DLGAP1: variants seen among roughly 807,000 people sequenced by gnomAD.
DLGAP1 encodes DLG associated protein 1.
Under a neutral mutation model 90.8 loss-of-function variants are expected in DLGAP1, and 11 were observed. That is an observed-to-expected ratio of 0.12 (90% CI 0.08 to 0.20). DLGAP1 has a LOEUF of 0.20. Among genes scored for constraint, DLGAP1 ranks in the 10% least tolerant of loss-of-function variants. DLGAP1 has a pLI of 1.00. For synonymous variants in DLGAP1, 558 were observed against 540.7 expected (o/e 1.03, Z -0.44); for missense variants, 1,050 against 1,333.8 (o/e 0.79, Z 3.31).
intron 6 of DLGAP1, among the ~76,000 whole-genome samples, chr18:3,734,225 T>C (rs190954543): frequency 6.6e-6 from 1 of 152,266 alleles, no homozygotes; most frequent in Admixed American, 6.5e-5. Flanking sequence ...TCTTTTTAAC[T>C]CTTCATTTGT....
intron 2 of DLGAP1, among the ~76,000 whole-genome samples, chr18:4,136,703 G>A (rs1161596043): frequency 5.3e-5 from 8 of 152,062 alleles, no homozygotes. Flanking sequence ...TCTTCACTTT[G>A]TTGATTGTCT....
At chr18:3,580,783 G>C (rs2055451489) in intron 8 of DLGAP1, 1 of 1,606,874 alleles carries the variant, frequency 6.2e-7, no homozygotes, top group Non-Finnish European at 8.5e-7. Flanking sequence ...AGTGTGCATG[G>C]TCAGGGGTGG....
chr18:4,174,626 C>A (rs1425432374), intron 1 of DLGAP1, among the ~76,000 whole-genome samples: 3 of 152,182 alleles, frequency 2.0e-5, no homozygotes, highest in African/African-American at 4.8e-5. Context: ...AGCCACCGCA[C>A]CCAACCTTAT....
intron 3 of DLGAP1, among the ~76,000 whole-genome samples, chr18:3,953,182 A>AT: frequency 6.6e-6 from 1 of 152,266 alleles, no homozygotes; most frequent in African/African-American, 2.4e-5. Context: ...AAGGGAAAAT[A>AT]TTTTTAAATT....
chr18:3,502,966 T>A (rs1022265556), intron 11 of DLGAP1, among the ~76,000 whole-genome samples: 1 of 151,868 alleles, frequency 6.6e-6, no homozygotes, highest in Non-Finnish European at 1.5e-5. Context: ...TAAAACACCA[T>A]ATTCAAATGA....
chr18:3,523,381 A>G (rs34115760), intron 10 of DLGAP1, among the ~76,000 whole-genome samples: 21,751 of 145,802 alleles, frequency 0.15, 1,929 homozygotes, highest in Non-Finnish European at 0.21. Context: ...CATCTCAAAG[A>G]AAAAAAAAAA....
At position 3,508,655 on chromosome 18, in the gene DLGAP1, C is replaced by T. The variant is rs541412321; in HGVS notation, c.2486G>A (p.Gly829Glu). 6.2e-6 allele frequency: 10 copies of T among 1,613,286 alleles called. No homozygotes were observed. Among genetic ancestry groups the T allele is most frequent in the East Asian group, 4.5e-5 (2 of 44,848 alleles). Residue 829 changes from glycine (G) to glutamate (E), a missense_variant, in exon 11 of 13, where the codon GGA becomes GAA. By Grantham distance (98) the Gly-to-Glu change is moderately conservative (BLOSUM62 -2). Transcript: ENST00000315677. ...ACTGCCCACTGCGGTTCGGATTTTT[C>T]CTAGAACTGGAAAGAGCAAACATAC... ...RENNLPEDIL[G>E]KIRTAVGSAQ...
intron 7 of DLGAP1, among the ~76,000 whole-genome samples, chr18:3,668,425 C>G (rs1317973720): frequency 6.6e-6 from 1 of 152,118 alleles, no homozygotes; most frequent in Admixed American, 6.5e-5. Flanking sequence ...TGATCCTCCC[C>G]CCTCAGCCTC....
intron 1 of DLGAP1, among the ~76,000 whole-genome samples, chr18:4,255,410 C>T (rs1190531949): frequency 1.3e-5 from 2 of 151,230 alleles, no homozygotes; most frequent in Admixed American, 6.6e-5. Context: ...TTTAAACTGA[C>T]TCTCTCTCTA....
At chr18:3,613,277 A>G (rs2057715465) in intron 7 of DLGAP1, among the ~76,000 whole-genome samples, 1 of 152,226 alleles carries the variant, frequency 6.6e-6, no homozygotes. Context: ...TTCTCAGGAA[A>G]AAAAAAGTTA....
At position 3,585,820 on chromosome 18, in the gene DLGAP1, A is replaced by C. The variant is rs149239033; in HGVS notation, c.1592-3572T>G. ...AAACCAAACAGTCCCCCTCCAAAAA[A>C]AAGCTAGATAATTCAGCCAAATATG... On this transcript the variant is annotated intron_variant, in intron 7 of 12. Transcript: ENST00000315677. Among the ~76,000 whole-genome samples the C allele has an allele frequency of 6.8e-3, 1,039 of 152,314 alleles. 56 individuals carry two copies. Among genetic ancestry groups the C allele is most frequent in the Admixed American group, 0.059 (909 of 15,296 alleles).
chr18:3,935,536 A>G (rs1216615935), intron 3 of DLGAP1, among the ~76,000 whole-genome samples: 2 of 152,180 alleles, frequency 1.3e-5, no homozygotes, highest in Non-Finnish European at 2.9e-5. Flanking sequence ...ACGTCTCAGG[A>G]TGGGCTGCTG....
At chr18:4,040,959 A>T (rs546839862) in intron 2 of DLGAP1, among the ~76,000 whole-genome samples, 1 of 152,288 alleles carries the variant, frequency 6.6e-6, no homozygotes, top group East Asian at 1.9e-4. Context: ...CATTAACATG[A>T]TTCTCCCTAG....
chr18:3,711,976 C>A lies in DLGAP1; in HGVS notation c.1591+17159G>T, dbSNP rs1234088479. On this transcript the variant is annotated intron_variant, in intron 7 of 12. Coordinates refer to ENST00000315677, the MANE Select transcript of DLGAP1 (RefSeq NM_004746.4). This position sits in a 1 kb window ranked among gnomAD's most constrained non-coding sequence, Gnocchi z 4.0. ...CAGAAATGTATAAGGAGGCATGAGTCCTAACAAACTATTCCTGGGTTCTGG... is the reference window on the plus strand; with the variant it reads ...CAGAAATGTATAAGGAGGCATGAGTACTAACAAACTATTCCTGGGTTCTGG... 6.6e-6 allele frequency among the ~76,000 whole-genome samples: 1 copy of A among 152,068 alleles called. No individual in the cohort carries two copies. The highest frequency in any genetic ancestry group is 1.5e-5 in the Non-Finnish European group (1 of 67,998).
At chr18:3,955,563 A>T (rs2073067876) in intron 3 of DLGAP1, among the ~76,000 whole-genome samples, 1 of 152,108 alleles carries the variant, frequency 6.6e-6, no homozygotes, top group Admixed American at 6.5e-5. Flanking sequence ...AATACAAAAA[A>T]ATCAGCCGGA....
chr18:4,087,641 G>A (rs567269349), intron 2 of DLGAP1, among the ~76,000 whole-genome samples: 1 of 152,300 alleles, frequency 6.6e-6, no homozygotes, highest in South Asian at 2.1e-4. Context: ...TTCTGCATGT[G>A]TGTCTTTAAT....
chr18:4,146,523 G>A (rs914078583), intron 2 of DLGAP1, among the ~76,000 whole-genome samples: 1 of 152,046 alleles, frequency 6.6e-6, no homozygotes, highest in Non-Finnish European at 1.5e-5. Flanking sequence ...TGGATTCCAG[G>A]GGTTATTTGT....
Position 4,094,105 on chromosome 18 carries a change from T to A in DLGAP1, c.-159+57075A>T, listed in dbSNP as rs556402362. On this transcript the variant is annotated intron_variant, in intron 2 of 12. Transcript: ENST00000315677. Reference sequence around the variant, plus strand: ...ACATCCTTTATGAATCAACCCAGCCTCCAATTATGTCATCTACTGTAATGA... The same window carrying A: ...ACATCCTTTATGAATCAACCCAGCCACCAATTATGTCATCTACTGTAATGA... Among the ~76,000 whole-genome samples, 10 of 152,278 alleles carry A rather than the reference T, an allele frequency of 6.6e-5. No individual in the cohort carries two copies. The South Asian group carries it at 2.1e-3, about 32-fold the overall frequency.
chr18:3,844,756 T>C (rs892916753), intron 4 of DLGAP1, among the ~76,000 whole-genome samples: 7 of 152,204 alleles, frequency 4.6e-5, no homozygotes, highest in African/African-American at 1.7e-4. Context: ...TACTACCTTC[T>C]CTAGAATAAC....
Sources: allele counts gnomAD v4.1 joint callset (sites outside exome capture counted in the v4.1 genomes callset), GRCh38; gene constraint gnomAD v4.1.1; non-coding constraint Gnocchi (gnomAD v3.1); transcripts MANE v1.5; gene names NCBI Gene and HGNC (gene_info 2026-07-23, HGNC 2026-07-21).